The following SLC5A12 variants were observed in gnomAD, a reference collection of about 807,000 sequenced individuals.
SLC5A12 encodes the protein solute carrier family 5 member 12, also known as sodium-coupled monocarboxylate transporter 2.
In SLC5A12, 46 loss-of-function variants were observed where a neutral mutation model predicts 72.7. The observed-to-expected ratio is 0.63, with a 90% CI of 0.50 to 0.81. The LOEUF is 0.81. SLC5A12 is among the 30% of genes least tolerant of loss of function. SLC5A12 has a pLI of 0.00. For synonymous variants in SLC5A12, 275 were observed against 264.4 expected (o/e 1.04, Z -0.39); for missense variants, 683 against 740.7 (o/e 0.92, Z 0.90).
At chr11:26,717,451 A>G (rs1295734015) in intron 1 of SLC5A12, among the ~76,000 whole-genome samples, 3 of 152,208 alleles carry the variant, frequency 2.0e-5, no homozygotes, top group Non-Finnish European at 2.9e-5. Context: ...TGAGACTAAT[A>G]ACAAACTGTA....
intron 13 of SLC5A12, among the ~76,000 whole-genome samples, chr11:26,677,530 A>G (rs961585601): frequency 1.3e-4 from 20 of 152,200 alleles, no homozygotes; most frequent in Admixed American, 5.2e-4. Flanking sequence ...ACTAGCATCA[A>G]GGAAGGAGTT....
At chr11:26,710,238 G>A (rs1238304797) in intron 3 of SLC5A12, among the ~76,000 whole-genome samples, 3 of 152,096 alleles carry the variant, frequency 2.0e-5, no homozygotes, top group African/African-American at 7.2e-5. Context: ...GTGTATATGT[G>A]CCACATTTTC....
intron 9 of SLC5A12, chr11:26,691,622 T>A (rs923844037): frequency 6.6e-6 from 1 of 152,176 alleles, no homozygotes; most frequent in Non-Finnish European, 1.5e-5. Flanking sequence ...ATTGTATATG[T>A]CACAAGTATG....
At chr11:26,713,554 G>C (rs954338203) in intron 1 of SLC5A12, among the ~76,000 whole-genome samples, 26 of 152,082 alleles carry the variant, frequency 1.7e-4, no homozygotes, top group African/African-American at 6.0e-4. Context: ...TTAGATCATT[G>C]ATGAAAGCAT....
Position 26,721,644 on chromosome 11 carries a change from A to G in SLC5A12, c.71T>C (p.Ile24Thr), listed in dbSNP as rs761472058. 6.2e-7 allele frequency: 1 copy of G among 1,614,196 alleles called. No homozygotes were observed. Among genetic ancestry groups the G allele is most frequent in the Non-Finnish European group, 8.5e-7 (1 of 1,180,026 alleles). The change falls in exon 1 of 15, where the codon ATT becomes ACT. Residue 24 changes from isoleucine to threonine, a missense_variant. Transcript: ENST00000396005. ...CTCCTTAATGGCAAAGAACACCCCAATTCCAGAGGAAATGAAAAAGAGGGC... is the reference window on the plus strand; with the variant it reads ...CTCCTTAATGGCAAAGAACACCCCAGTTCCAGAGGAAATGAAAAAGAGGGC... ...FAALFFISSG[I>T]GVFFAIKERK... is the part of the protein sequence containing the mutation.
chr11:26,673,538 A>G lies in SLC5A12; in HGVS notation c.1580-9T>C. 1 of 1,598,144 alleles carries G rather than the reference A, an allele frequency of 6.3e-7. No individual in the cohort carries two copies. The highest frequency in any genetic ancestry group is 1.1e-5 in the South Asian group (1 of 87,652). ...CTCACCTCTTTGGCGACCTATTAAC[A>G]AAAGAACAAATAGATTAGATGGTTG... On this transcript the variant is annotated splice_polypyrimidine_tract_variant and intron_variant, in intron 13 of 14. Transcript: ENST00000396005.
At chr11:26,723,149 A>G (rs547007067), upstream of SLC5A12, among the ~76,000 whole-genome samples, 1 of 152,232 alleles carries the variant, frequency 6.6e-6, no homozygotes, top group East Asian at 1.9e-4. Context: ...AATTATCCAT[A>G]ATGCCCAAAG....
intron 13 of SLC5A12, 31 bp from the exon 14 acceptor site, chr11:26,673,560 G>A (rs1201566290): frequency 6.4e-7 from 1 of 1,554,432 alleles, no homozygotes; most frequent in Non-Finnish European, 8.7e-7. Flanking sequence ...AGATTAGATG[G>A]TTGCAGGCCT....
At chr11:26,681,576 T>C (rs1350161382) in intron 11 of SLC5A12, among the ~76,000 whole-genome samples, 1 of 152,208 alleles carries the variant, frequency 6.6e-6, no homozygotes, top group Admixed American at 6.5e-5. Context: ...AAACTTCAAA[T>C]ACTAGGTCAT....
At chr11:26,680,322 T>C (rs1854369276) in intron 12 of SLC5A12, among the ~76,000 whole-genome samples, 2 of 136,940 alleles carry the variant, frequency 1.5e-5, no homozygotes, top group East Asian at 2.0e-4. Context: ...TATATGTATA[T>C]ATATTCATAT....
chr11:26,676,533 T>TA (rs1375328030), intron 13 of SLC5A12, among the ~76,000 whole-genome samples: 10 of 152,140 alleles, frequency 6.6e-5, no homozygotes, highest in African/African-American at 2.4e-4. Context: ...TAAACTACTG[T>TA]ACACTGAAAA....
chr11:26,709,447 G>C, intron 3 of SLC5A12, 68 bp from the exon 4 acceptor site: 2 of 1,151,844 alleles, frequency 1.7e-6, no homozygotes, highest in Non-Finnish European at 2.5e-6. Context: ...GTTTTATGAG[G>C]AAAAAGACAC....
chr11:26,690,790 G>A (rs1854652134), intron 9 of SLC5A12, among the ~76,000 whole-genome samples: 2 of 142,496 alleles, frequency 1.4e-5, no homozygotes, highest in African/African-American at 2.7e-5. Flanking sequence ...GTGAAACTCT[G>A]TCTCAAAAAA....
intron 2 of SLC5A12, among the ~76,000 whole-genome samples, chr11:26,711,824 A>C (rs1855236767): frequency 6.6e-6 from 1 of 152,054 alleles, no homozygotes; most frequent in South Asian, 2.1e-4. Context: ...TGTGCTGGGA[A>C]GACTAACAAC....
At chr11:26,717,389 G>A (rs762278125) in intron 1 of SLC5A12, among the ~76,000 whole-genome samples, 1 of 152,138 alleles carries the variant, frequency 6.6e-6, no homozygotes, top group Non-Finnish European at 1.5e-5. Flanking sequence ...CTAGATTTAT[G>A]AGTGTATGAT....
At chr11:26,704,048 T>C (rs894611065) in intron 4 of SLC5A12, 101 bp from the exon 5 acceptor site, 2 of 1,270,588 alleles carry the variant, frequency 1.6e-6, no homozygotes, top group African/African-American at 1.5e-5. Flanking sequence ...CTTTTGTTTA[T>C]TCAGCATCAG....
intron 8 of SLC5A12, among the ~76,000 whole-genome samples, chr11:26,695,573 T>C (rs984474431): frequency 1.3e-5 from 2 of 152,188 alleles, no homozygotes; most frequent in African/African-American, 4.8e-5. Flanking sequence ...TTAAAATCTT[T>C]ACGTGGTCAA....
rs369511616 is a variant in SLC5A12, at chr11:26,697,301, G to T, written c.952-49C>A. On this transcript the variant is annotated intron_variant, in intron 7 of 14. Coordinates refer to ENST00000396005, the MANE Select transcript of SLC5A12 (RefSeq NM_178498.4). The stretch of plus-strand genomic sequence containing the variant: ...AAAATAAATAAAAAGAAGAAAGAAA[G>T]AAAAGAAAAGAGAAGAGAGAGAAAA... 210 of 1,515,748 alleles carry T rather than the reference G, an allele frequency of 1.4e-4. No individual in the cohort carries two copies. In the African/African-American group the frequency reaches 2.5e-3, roughly 18 times the overall value. 93.9% of individuals were successfully genotyped at this position (1,515,748 alleles called of 1,614,324 possible). A position where few individuals can be genotyped will look rare whatever the true frequency, so the allele number is the denominator to read the frequency against.
At chr11:26,698,008 C>T (rs1854865381) in intron 7 of SLC5A12, among the ~76,000 whole-genome samples, 1 of 150,258 alleles carries the variant, frequency 6.7e-6, no homozygotes, top group Non-Finnish European at 1.5e-5. Context: ...AGCAATTCTC[C>T]TGCCTCAGCC....
Sources: allele counts gnomAD v4.1 joint callset (sites outside exome capture counted in the v4.1 genomes callset), GRCh38; gene constraint gnomAD v4.1.1; transcripts MANE v1.5; gene names NCBI Gene and HGNC (gene_info 2026-07-23, HGNC 2026-07-21).